The following UBASH3B variants were observed in gnomAD, a reference collection of about 807,000 sequenced individuals.
The protein encoded by UBASH3B is ubiquitin-associated and SH3 domain-containing protein B.
Under a neutral mutation model 83.4 loss-of-function variants are expected in UBASH3B, and 37 were observed. The observed-to-expected ratio is 0.44, with a 90% CI of 0.34 to 0.58. The LOEUF (loss-of-function observed/expected upper bound fraction) is 0.58, where lower values mean the gene tolerates loss of function less well. Ranked by LOEUF, UBASH3B falls within the 20% of genes least tolerant of loss-of-function variation. UBASH3B has a pLI of 0.01. For synonymous variants in UBASH3B, 304 were observed against 318.3 expected, an observed-to-expected ratio of 0.96 and a Z score of 0.48; for missense variants, 657 against 827.2, an observed-to-expected ratio of 0.79 and a Z score of 2.52.
chr11:122,779,570 C>T lies in UBASH3B; in HGVS notation c.476C>T (p.Ser159Leu), dbSNP rs764362576. 1.3e-5 allele frequency: 21 copies of T among 1,614,060 alleles called. No individual in the cohort carries two copies. The highest frequency in any genetic ancestry group is 8.9e-5 in the East Asian group (4 of 44,898). The part of the protein sequence containing the change: ...TTVSRWKCKF[S>L]APLPLELYTS... The stretch of plus-strand genomic sequence containing the variant: ...GTCAGTCGCTGGAAATGTAAGTTCT[C>T]GGCCCCGCTGCCCCTGGAGCTCTAT... Residue 159 changes from serine (S) to leucine (L), a missense_variant, in exon 4 of 14, where the codon TCG (serine) becomes TTG (leucine). Ser to Leu is a moderately radical substitution (Grantham distance 145). This residue lies in a region of UBASH3B where 573 missense variants were observed against 739.0 expected (regional missense o/e 0.78). Coordinates refer to ENST00000284273, the MANE Select transcript of UBASH3B (RefSeq NM_032873.5).
intron 3 of UBASH3B, among the ~76,000 whole-genome samples, chr11:122,778,612 T>C (rs1860784894): frequency 6.6e-6 from 1 of 151,282 alleles, no homozygotes; most frequent in African/African-American, 2.4e-5. Context: ...TTTTTCTTTT[T>C]TTTTTTTATG....
chr11:122,713,399 C>T (rs1412457338), intron 1 of UBASH3B, among the ~76,000 whole-genome samples: 2 of 152,166 alleles, frequency 1.3e-5, no homozygotes, highest in Non-Finnish European at 2.9e-5. Flanking sequence ...TCATGGATCT[C>T]ACCCACCTGA....
intron 1 of UBASH3B, among the ~76,000 whole-genome samples, chr11:122,691,217 C>A (rs1591771351): frequency 6.6e-6 from 1 of 152,208 alleles, no homozygotes; most frequent in African/African-American, 2.4e-5. Context: ...TTTGCCGGGC[C>A]TTTCCTGCAG....
chr11:122,705,453 A>T (rs1484444566), intron 1 of UBASH3B, among the ~76,000 whole-genome samples: 3 of 148,534 alleles, frequency 2.0e-5, no homozygotes, highest in Non-Finnish European at 4.5e-5. Context: ...CTCGAAAAAC[A>T]TAAAAAAAAA....
chr11:122,808,075 A>T lies in UBASH3B; in HGVS notation c.1711A>T (p.Ile571Phe). The T allele has an allele frequency of 6.2e-7, 1 of 1,613,744 alleles. No homozygotes were observed. Among genetic ancestry groups the T allele is most frequent in the South Asian group, 1.1e-5 (1 of 91,074 alleles). The stretch of plus-strand genomic sequence containing the variant: ...TTGCCATTTTCCCCCAGGAAATAAC[A>T]TCCTGATTGTGGCCCACGCATCTTC... Reference protein sequence around the residue: ...ISECKSKGNNILIVAHASSLE... With the variant: ...ISECKSKGNNFLIVAHASSLE... Residue 571 changes from isoleucine to phenylalanine, a missense_variant, in exon 13 of 14, where the codon ATC (isoleucine) becomes TTC (phenylalanine). Physicochemically the swap from Ile to Phe is conservative, Grantham distance 21. Transcript: ENST00000284273.
At chr11:122,682,264 C>A (rs1591766799) in intron 1 of UBASH3B, among the ~76,000 whole-genome samples, 2 of 152,298 alleles carry the variant, frequency 1.3e-5, no homozygotes, top group Middle Eastern at 6.8e-3. Flanking sequence ...AACGGAGCCA[C>A]CAACAGACAC....
chr11:122,711,770 A>G (rs1229928632), intron 1 of UBASH3B, among the ~76,000 whole-genome samples: 3 of 152,202 alleles, frequency 2.0e-5, no homozygotes, highest in East Asian at 1.9e-4. Flanking sequence ...AAATGGGAAT[A>G]CTAATCCTGC....
At chr11:122,673,875 T>C (rs924981377) in intron 1 of UBASH3B, among the ~76,000 whole-genome samples, 1 of 152,216 alleles carries the variant, frequency 6.6e-6, no homozygotes, top group Non-Finnish European at 1.5e-5. Context: ...CTTCAGCCTT[T>C]CTCAGCTTAC....
In UBASH3B at chr11:122,806,387, C is replaced by T. The variant is rs941840315; in HGVS notation, c.1596-23C>T. Reference sequence around the variant, plus strand: ...CTCAAGATCAAAATGTTTTCATTTCCTTTGTTCATTTTTCTATTACAGACC... The same window carrying T: ...CTCAAGATCAAAATGTTTTCATTTCTTTTGTTCATTTTTCTATTACAGACC... On this transcript the variant is annotated intron_variant, in intron 11 of 13. Transcript: ENST00000284273. This position sits in a 1 kb window ranked among gnomAD's most constrained non-coding sequence, Gnocchi z 4.0. 6.4e-6 allele frequency: 10 copies of T among 1,574,024 alleles called. No individual in the cohort carries two copies. Among genetic ancestry groups the T allele is most frequent in the Non-Finnish European group, 7.7e-6 (9 of 1,162,096 alleles).
At chr11:122,724,122 A>G (rs539408691) in intron 1 of UBASH3B, among the ~76,000 whole-genome samples, 1 of 152,298 alleles carries the variant, frequency 6.6e-6, no homozygotes, top group South Asian at 2.1e-4. Flanking sequence ...TCATTCATCT[A>G]TTGATAGATA....
In UBASH3B at chr11:122,797,004, T is replaced by A; in HGVS notation, c.1328T>A (p.Val443Glu). 1.2e-6 allele frequency: 2 copies of A among 1,613,436 alleles called. No homozygotes were observed. The highest frequency in any genetic ancestry group is 1.7e-6 in the Non-Finnish European group (2 of 1,179,640). Residue 443 changes from valine to glutamate, a missense_variant, in exon 9 of 14, where the codon GTG (valine) becomes GAG (glutamate). Physicochemically the swap from Val to Glu is moderately radical, Grantham distance 121 (BLOSUM62 -2). This residue lies in a region of UBASH3B where 573 missense variants were observed against 739.0 expected (regional missense o/e 0.78). Coordinates refer to ENST00000284273, the MANE Select transcript of UBASH3B (RefSeq NM_032873.5). The part of the protein sequence containing the change: ...RDYEKDAPIT[V>E]FGCMQARLVG... ...TACGAGAAAGATGCTCCCATCACTG[T>A]GTTTGGATGCATGCAAGCAAGACTA...
chr11:122,729,342 G>A (rs1860799588), intron 1 of UBASH3B, among the ~76,000 whole-genome samples: 1 of 152,178 alleles, frequency 6.6e-6, no homozygotes, highest in Admixed American at 6.5e-5. Flanking sequence ...GGGAAGGGGT[G>A]TGAGAGGCCC....
intron 1 of UBASH3B, among the ~76,000 whole-genome samples, chr11:122,765,792 G>A (rs1303907007): frequency 6.6e-6 from 1 of 152,112 alleles, no homozygotes; most frequent in Non-Finnish European, 1.5e-5. Flanking sequence ...TTAAGTCCTG[G>A]ACCTGGTGCC....
At chr11:122,779,174 C>T (rs1338378037) in intron 3 of UBASH3B, among the ~76,000 whole-genome samples, 2 of 152,150 alleles carry the variant, frequency 1.3e-5, no homozygotes, top group African/African-American at 4.8e-5. Flanking sequence ...GTCCTTTGAC[C>T]AATATCTCCC....
chr11:122,746,555 CAG>C (rs1459533467), intron 1 of UBASH3B, among the ~76,000 whole-genome samples: 2 of 152,184 alleles, frequency 1.3e-5, no homozygotes, highest in African/African-American at 4.8e-5. Context: ...TTGAAGATCT[CAG>C]AGTCTAATGG....
At chr11:122,726,840 G>A (rs7952454) in intron 1 of UBASH3B, among the ~76,000 whole-genome samples, 13,860 of 152,238 alleles carry the variant, frequency 0.091, 763 homozygotes, top group Non-Finnish European at 0.13. Flanking sequence ...TCCCTGTTAT[G>A]TAAATGAGGG....
intron 1 of UBASH3B, among the ~76,000 whole-genome samples, chr11:122,677,992 T>C (rs1320227394): frequency 2.6e-5 from 4 of 152,232 alleles, no homozygotes; most frequent in Non-Finnish European, 2.9e-5. Context: ...GATTTTGCCA[T>C]GTTGGCAAGG....
chr11:122,774,107 A>G (rs910345768), intron 1 of UBASH3B: 29 of 984,204 alleles, frequency 2.9e-5, no homozygotes, highest in Non-Finnish European at 3.5e-5. Context: ...GTAAGTCGTG[A>G]GGAAACAGAC....
intron 1 of UBASH3B, among the ~76,000 whole-genome samples, chr11:122,694,208 CTT>C (rs1863932389): frequency 6.7e-6 from 1 of 148,592 alleles, no homozygotes; most frequent in Non-Finnish European, 1.5e-5. Context: ...TTGTTAATCT[CTT>C]TTTTATGAGA....
Sources: allele counts gnomAD v4.1 joint callset (sites outside exome capture counted in the v4.1 genomes callset), GRCh38; gene constraint gnomAD v4.1.1; regional missense constraint gnomAD v4.1.1; non-coding constraint Gnocchi (gnomAD v3.1); transcripts MANE v1.5; gene names NCBI Gene and HGNC (gene_info 2026-07-23, HGNC 2026-07-21).